Variants in INTS13 observed in about 807,000 individuals in gnomAD.
The protein encoded by INTS13 is asunder, spermatogenesis regulator homolog (Drosphila).
In INTS13, 35 loss-of-function variants were observed where a neutral mutation model predicts 90.2. That is an observed-to-expected ratio of 0.39 (90% CI 0.30 to 0.51). INTS13 has a LOEUF of 0.51. INTS13 is among the 20% of genes least tolerant of loss of function. INTS13 has a pLI of 0.80. For synonymous variants in INTS13, 309 were observed against 277.1 expected (o/e 1.11, Z -1.14); for missense variants, 601 against 851.2 (o/e 0.71, Z 3.66).
chr12:26,929,804 AG>A (rs1482829434), intron 3 of INTS13, among the ~76,000 whole-genome samples: 2 of 151,848 alleles, frequency 1.3e-5, no homozygotes, highest in East Asian at 3.9e-4. Context: ...AGAAAGAGAA[AG>A]GAAGAAAGAA....
intron 5 of INTS13, among the ~76,000 whole-genome samples, chr12:26,926,327 T>C (rs1410977887): frequency 6.6e-6 from 1 of 152,186 alleles, no homozygotes; most frequent in East Asian, 1.9e-4. Context: ...GAAAGAAAAG[T>C]ACTATTCAAT....
At position 26,934,650 on chromosome 12, in the gene INTS13, CA is replaced by C; in HGVS notation, c.226-21del. ...ATTCACCTAATAGATTCCAAAGAAA[CA>C]ATTAGTATTCAACTCTAATTTCACT... On this transcript the variant is annotated intron_variant, in intron 2 of 16. Transcript: ENST00000261191. The C allele has an allele frequency of 6.4e-7, 1 of 1,553,556 alleles. No homozygotes were observed.
chr12:26,911,628 C>T (rs1191588578), intron 14 of INTS13, among the ~76,000 whole-genome samples: 1 of 152,044 alleles, frequency 6.6e-6, no homozygotes, highest in Non-Finnish European at 1.5e-5. Flanking sequence ...AGAAATTGCA[C>T]AATTCTGATT....
Position 26,906,425 on chromosome 12 carries a change from A to G in INTS13, c.1958T>C (p.Leu653Ser). Residue 653 changes from leucine (L) to serine (S), a missense_variant, in exon 16 of 17, where the codon TTA becomes TCA. By Grantham distance (145) the Leu-to-Ser change is moderately radical. Transcript: ENST00000261191. ...GATTCTATTACTCCACAAGGATAAT[A>G]ACGACACTGGCCCTAGTGTTATATT... ...QVEKSKGPVS[L>S]LSLWSNRINT... 6.2e-7 allele frequency: 1 copy of G among 1,610,346 alleles called. No homozygotes were observed.
chr12:26,908,470 T>C (rs1951677355), intron 15 of INTS13, among the ~76,000 whole-genome samples: 1 of 151,678 alleles, frequency 6.6e-6, no homozygotes, highest in Non-Finnish European at 1.5e-5. Context: ...CTAATGCCAC[T>C]GCTCTAACAA....
rs921037059 is a variant in INTS13 at position 26,905,256 on chromosome 12, G to T, written c.*241C>A. On this transcript the variant is annotated 3_prime_UTR_variant, in exon 17 of 17. Transcript: ENST00000261191. ...GAATTTTTTTAAAAACATTTCCAGA[G>T]AGAACACTTTATACCATAAAATAAA... 1.9e-4 allele frequency: 73 copies of T among 384,434 alleles called. No homozygotes were observed. The highest frequency in any genetic ancestry group is 1.4e-3 in the Middle Eastern group (2 of 1,422). The allele number at this position is 384,434 out of a possible 1,614,324, so 23.8% of individuals were successfully genotyped here.
intron 3 of INTS13, among the ~76,000 whole-genome samples, chr12:26,931,053 A>G (rs1334184240): frequency 6.6e-6 from 1 of 152,152 alleles, no homozygotes; most frequent in African/African-American, 2.4e-5. Flanking sequence ...CAAACATTTT[A>G]AGACCAAACA....
chr12:26,909,159 G>A (rs1951699312), intron 15 of INTS13, among the ~76,000 whole-genome samples: 1 of 152,144 alleles, frequency 6.6e-6, no homozygotes. Flanking sequence ...TCAGGAGTTC[G>A]AGACCAGCCT....
In INTS13 at chr12:26,918,403, C is replaced by T. The variant is rs371583352; in HGVS notation, c.890-670G>A. On this transcript the variant is annotated intron_variant, in intron 8 of 16. Transcript: ENST00000261191. ...CTGAGACAACATCTTTTTATCAGGT[C>T]CCCTGGACAAATACCAAAGATATTA... Among the ~76,000 whole-genome samples, 745 of 152,284 alleles carry T rather than the reference C, an allele frequency of 4.9e-3. 16 individuals are homozygous for T. The South Asian group carries it at 0.061, about 12-fold the overall frequency.
At chr12:26,921,643 A>G (rs183448247) in intron 8 of INTS13, among the ~76,000 whole-genome samples, 37 of 152,238 alleles carry the variant, frequency 2.4e-4, no homozygotes, top group South Asian at 1.7e-3. Flanking sequence ...CCTGTGGTCA[A>G]CTGCAGCCCC....
At chr12:26,929,792 G>A (rs1938092202) in intron 3 of INTS13, among the ~76,000 whole-genome samples, 1 of 151,094 alleles carries the variant, frequency 6.6e-6, no homozygotes, top group Non-Finnish European at 1.5e-5. Context: ...AGAAAGAAAG[G>A]AAGAAAGAGA....
At chr12:26,919,042 TG>T in intron 8 of INTS13, 1 of 401,328 alleles carries the variant, frequency 2.5e-6, no homozygotes, top group Non-Finnish European at 5.1e-6. Context: ...GGTATGCACC[TG>T]CAGTCCCAGC....
chr12:26,905,269 A>C lies in INTS13; in HGVS notation c.*228T>G, dbSNP rs549609030. 4.0e-3 allele frequency: 1,916 copies of C among 475,964 alleles called. 10 individuals are homozygous for C. Among genetic ancestry groups the C allele is most frequent in the Admixed American group, 7.0e-3 (164 of 23,302 alleles). 29.5% of individuals were successfully genotyped at this position (475,964 alleles called of 1,614,324 possible). Reference sequence around the variant, plus strand: ...AACATTTCCAGAGAGAACACTTTATACCATAAAATAAACTTGTATAATTTG... The same window carrying C: ...AACATTTCCAGAGAGAACACTTTATCCCATAAAATAAACTTGTATAATTTG... On this transcript the variant is annotated 3_prime_UTR_variant, in exon 17 of 17. Transcript: ENST00000261191.
intron 3 of INTS13, 99 bp from the exon 4 acceptor site, chr12:26,929,004 A>G (rs1328328360): frequency 9.6e-7 from 1 of 1,046,274 alleles, no homozygotes; most frequent in African/African-American, 1.6e-5. Flanking sequence ...TCTTACATAT[A>G]TGGACATGAA....
At chr12:26,937,557 C>T (rs1046830814) in intron 1 of INTS13, 1 of 152,338 alleles carries the variant, frequency 6.6e-6, no homozygotes, top group East Asian at 1.9e-4. Flanking sequence ...CTAACAAAAT[C>T]TTATACTGAA....
chr12:26,919,883 A>G (rs1952058357), intron 8 of INTS13, among the ~76,000 whole-genome samples: 1 of 152,116 alleles, frequency 6.6e-6, no homozygotes, highest in Non-Finnish European at 1.5e-5. Flanking sequence ...TAATCCCAGC[A>G]CTTTGGGAGG....
At chr12:26,919,727 G>T (rs1051927428) in intron 8 of INTS13, among the ~76,000 whole-genome samples, 4 of 152,040 alleles carry the variant, frequency 2.6e-5, no homozygotes, top group African/African-American at 9.7e-5. Context: ...ACTGAAAAAG[G>T]AAACAGACTA....
At chr12:26,920,501 C>T (rs959275754) in intron 8 of INTS13, among the ~76,000 whole-genome samples, 2 of 151,658 alleles carry the variant, frequency 1.3e-5, no homozygotes, top group African/African-American at 4.8e-5. Context: ...CGGGTTCAAG[C>T]GATTCCCCTG....
chr12:26,937,997 G>GCACACACACACACACACACACA (rs149220083), upstream of INTS13: 12 of 151,188 alleles, frequency 7.9e-5, no homozygotes, highest in African/African-American at 2.9e-4. Context: ...GCGTGCGCGT[G>GCACACACACACACACACACACA]CACACACACA....
Sources: allele counts gnomAD v4.1 joint callset (sites outside exome capture counted in the v4.1 genomes callset), GRCh38; gene constraint gnomAD v4.1.1; transcripts MANE v1.5; gene names NCBI Gene and HGNC (gene_info 2026-07-23, HGNC 2026-07-21).